The following ZNF708 variants were observed in gnomAD, a reference collection of about 807,000 sequenced individuals.
The protein encoded by ZNF708 is zinc finger protein 708, also known as ZNF15, ZNF15L1.
Under a neutral mutation model 47.0 loss-of-function variants are expected in ZNF708, and 44 were observed. The observed-to-expected ratio is 0.94, with a 90% CI of 0.74 to 1.20. The LOEUF is 1.20. Ranked by LOEUF, ZNF708 falls within the 50% of genes most tolerant of loss-of-function variation. The pLI, the probability that ZNF708 is intolerant of heterozygous loss-of-function variation, is 0.00. For synonymous variants in ZNF708, 184 were observed against 218.5 expected (o/e 0.84, Z 1.39); for missense variants, 557 against 656.0 (o/e 0.85, Z 1.65).
At chr19:21,299,164 G>A (rs1047242946) in intron 3 of ZNF708, among the ~76,000 whole-genome samples, 5 of 152,156 alleles carry the variant, frequency 3.3e-5, no homozygotes, top group Admixed American at 6.5e-5. Flanking sequence ...GGCCAGCCTG[G>A]CCAAGATGGT....
At position 21,296,236 on chromosome 19, in the gene ZNF708, C is replaced by T. The variant is rs58316586; in HGVS notation, c.227-1497G>A. Among the ~76,000 whole-genome samples, 978 of 151,970 alleles carry T rather than the reference C, an allele frequency of 6.4e-3. 12 individuals are homozygous for T. The highest frequency in any genetic ancestry group is 0.023 in the African/African-American group (951 of 41,484). On this transcript the variant is annotated intron_variant, in intron 3 of 3. Coordinates refer to ENST00000356929, the MANE Select transcript of ZNF708 (RefSeq NM_021269.3). ...AAAGAAGTGGCCGGGCACAGTGGCT[C>T]GTGCCTGTAATCCCAGCACTTTGGA...
intron 3 of ZNF708, among the ~76,000 whole-genome samples, chr19:21,298,870 ATCAC>A (rs1312828491): frequency 6.6e-6 from 1 of 152,222 alleles, no homozygotes; most frequent in Non-Finnish European, 1.5e-5. Context: ...AAAACGGAAT[ATCAC>A]TCAGTTTGCA....
chr19:21,324,100 C>T (rs945597661), intron 1 of ZNF708, among the ~76,000 whole-genome samples: 15 of 149,250 alleles, frequency 1.0e-4, no homozygotes, highest in African/African-American at 3.0e-4. Flanking sequence ...AAAAATTAGT[C>T]GGGCGTGGTG....
chr19:21,302,122 T>G (rs999738700), intron 3 of ZNF708, among the ~76,000 whole-genome samples: 2 of 151,924 alleles, frequency 1.3e-5, no homozygotes, highest in Non-Finnish European at 2.9e-5. Context: ...TTAAAATGAG[T>G]CCATTTTTTT....
chr19:21,315,760 G>A (rs1046235702), intron 1 of ZNF708, among the ~76,000 whole-genome samples: 1 of 150,354 alleles, frequency 6.7e-6, no homozygotes. Context: ...GCTATAGGGT[G>A]TGGGTTATAG....
Position 21,307,831 on chromosome 19 carries a change from ATGTT to A in ZNF708, c.226+1411_226+1414del, listed in dbSNP as rs1026692816. On this transcript the variant is annotated intron_variant, in intron 3 of 3. Coordinates refer to ENST00000356929, the MANE Select transcript of ZNF708 (RefSeq NM_021269.3). Reference sequence around the variant, plus strand: ...CCCATTGAAATTGAAGACAAGTAAAATGTTTGTTTGTAGATCATAAAATCTTACA... The same window carrying A: ...CCCATTGAAATTGAAGACAAGTAAAATGTTTGTAGATCATAAAATCTTACA... 3.7e-4 allele frequency among the ~76,000 whole-genome samples: 57 copies of A among 152,326 alleles called. 1 individual carries two copies. Among genetic ancestry groups the A allele is most frequent in the African/African-American group, 1.2e-3 (51 of 41,594 alleles).
chr19:21,316,677 G>A (rs1973019631), intron 1 of ZNF708, among the ~76,000 whole-genome samples: 1 of 152,258 alleles, frequency 6.6e-6, no homozygotes, highest in African/African-American at 2.4e-5. Flanking sequence ...CCCTGAGGCT[G>A]GGCACGGTGG....
At chr19:21,307,043 A>AC (rs1238251312) in intron 3 of ZNF708, 1 of 147,680 alleles carries the variant, frequency 6.8e-6, no homozygotes, top group African/African-American at 2.5e-5. Context: ...ACATAAAATA[A>AC]AATAAAATAA....
At chr19:21,318,187 G>C (rs1973054499) in intron 1 of ZNF708, 1 of 152,170 alleles carries the variant, frequency 6.6e-6, no homozygotes. Context: ...TACAGGATTT[G>C]GGGGTAGAAT....
intron 3 of ZNF708, among the ~76,000 whole-genome samples, chr19:21,308,069 TAA>T (rs1176816299): frequency 2.0e-5 from 3 of 151,820 alleles, no homozygotes; most frequent in African/African-American, 7.3e-5. Context: ...ATCTTTACAA[TAA>T]AAGATATAAG....
intron 1 of ZNF708, among the ~76,000 whole-genome samples, chr19:21,321,968 A>C (rs1973155572): frequency 6.6e-6 from 1 of 151,882 alleles, no homozygotes; most frequent in Non-Finnish European, 1.5e-5. Context: ...GCTGTACTCT[A>C]ATTTATTTCT....
Position 21,293,828 on chromosome 19 carries a change from T to G in ZNF708, c.1138A>C (p.Thr380Pro), listed in dbSNP as rs778963257. The change falls in exon 4 of 4, where the codon ACT (threonine) becomes CCT (proline). Residue 380 changes from threonine to proline, a missense_variant. Coordinates refer to ENST00000356929, the MANE Select transcript of ZNF708 (RefSeq NM_021269.3). ...CCAGTATGAATTACCTTATGATTAG[T>G]AAGGTGTGAGGACCGGTTAAAAGCT... ...GKAFNRSSHL[T>P]NHKVIHTGEK... 1 of 1,613,502 alleles carries G rather than the reference T, an allele frequency of 6.2e-7. No homozygotes were observed. The highest frequency in any genetic ancestry group is 8.5e-7 in the Non-Finnish European group (1 of 1,179,866).
chr19:21,297,084 G>A (rs1972539821), intron 3 of ZNF708, among the ~76,000 whole-genome samples: 1 of 151,294 alleles, frequency 6.6e-6, no homozygotes. Context: ...AGTGAGCCAT[G>A]ATTGCACCAT....
rs185596787 is a variant in ZNF708, at chr19:21,325,319, T to C, written c.3+3891A>G. 6.2e-3 allele frequency among the ~76,000 whole-genome samples: 944 copies of C among 152,252 alleles called. 13 individuals carry two copies. The highest frequency in any genetic ancestry group is 0.02 in the African/African-American group (840 of 41,542). On this transcript the variant is annotated intron_variant, in intron 1 of 3. Transcript: ENST00000356929. Reference sequence around the variant, plus strand: ...AACATTACCTGATTTCAAACTACACTATAAGGCCATAGTCACCAAAACAGC... The same window carrying C: ...AACATTACCTGATTTCAAACTACACCATAAGGCCATAGTCACCAAAACAGC...
At chr19:21,295,060 T>G (rs1227942285) in intron 3 of ZNF708, among the ~76,000 whole-genome samples, 1 of 152,214 alleles carries the variant, frequency 6.6e-6, no homozygotes, top group Non-Finnish European at 1.5e-5. Flanking sequence ...AGAAGTAAAT[T>G]GCCAACTCCT....
intron 3 of ZNF708, among the ~76,000 whole-genome samples, chr19:21,300,170 C>A (rs1330875293): frequency 6.6e-6 from 1 of 150,988 alleles, no homozygotes; most frequent in East Asian, 1.9e-4. Context: ...AGGCGTCGTG[C>A]CACTGCACTC....
chr19:21,313,175 C>A (rs1023872303), intron 1 of ZNF708, among the ~76,000 whole-genome samples: 2 of 150,230 alleles, frequency 1.3e-5, no homozygotes, highest in Non-Finnish European at 3.0e-5. Context: ...GTAATCCCAG[C>A]TACTCAGGAG....
intron 3 of ZNF708, among the ~76,000 whole-genome samples, chr19:21,307,121 T>TAA: frequency 7.7e-6 from 1 of 130,276 alleles, no homozygotes; most frequent in East Asian, 2.4e-4. Flanking sequence ...AAATAAAATA[T>TAA]AAAATAAAAA....
intron 1 of ZNF708, among the ~76,000 whole-genome samples, chr19:21,311,931 CTT>C (rs1415959527): frequency 6.6e-6 from 1 of 152,112 alleles, no homozygotes; most frequent in Non-Finnish European, 1.5e-5. Context: ...AGACTTAACT[CTT>C]ATGAATGTAT....
Sources: allele counts gnomAD v4.1 joint callset (sites outside exome capture counted in the v4.1 genomes callset), GRCh38; gene constraint gnomAD v4.1.1; transcripts MANE v1.5; gene names NCBI Gene and HGNC (gene_info 2026-07-23, HGNC 2026-07-21).